ITM2C: variants seen among roughly 807,000 people sequenced by gnomAD.
The protein encoded by ITM2C is integral membrane protein 2C.
A neutral mutation model predicts 30.0 loss-of-function variants in ITM2C; 20 were observed. The ratio of observed to expected loss-of-function variants is 0.67; its 90% CI spans 0.47 to 0.97. ITM2C has a LOEUF of 0.97. Among genes scored for constraint, ITM2C ranks in the 50% least tolerant of loss-of-function variants. ITM2C has a pLI of 0.00. For synonymous variants in ITM2C, 167 were observed against 156.4 expected (o/e 1.07, Z -0.51); for missense variants, 366 against 371.9 (o/e 0.98, Z 0.13).
At chr2:230,873,751 A>G (rs6436977) in intron 2 of ITM2C, among the ~76,000 whole-genome samples, 194 bp downstream of exon 2, 337 of 152,138 alleles carry the variant, frequency 2.2e-3, no homozygotes, top group Non-Finnish European at 4.2e-3. Flanking sequence ...CCAGTCCCAC[A>G]TTTAGCCCCT....
At chr2:230,876,303 C>A (rs1008981416) in intron 3 of ITM2C, among the ~76,000 whole-genome samples, 1 of 152,222 alleles carries the variant, frequency 6.6e-6, no homozygotes, top group Admixed American at 6.5e-5. Context: ...TTTATAACAA[C>A]AGAGGCGTTT....
chr2:230,876,563 G>C (rs1208356286), intron 3 of ITM2C, among the ~76,000 whole-genome samples: 3 of 152,060 alleles, frequency 2.0e-5, no homozygotes, highest in African/African-American at 7.3e-5. Flanking sequence ...CTCACTGCAA[G>C]CTCCGCCTCC....
chr2:230,876,065 C>T (rs1247361276), intron 3 of ITM2C, among the ~76,000 whole-genome samples: 1 of 123,758 alleles, frequency 8.1e-6, no homozygotes, highest in Admixed American at 7.7e-5. Flanking sequence ...TGCGTTGTAT[C>T]GAGGGGTAGT....
intron 2 of ITM2C, among the ~76,000 whole-genome samples, chr2:230,874,661 C>G (rs1174397693): frequency 1.3e-5 from 2 of 152,344 alleles, no homozygotes; most frequent in Non-Finnish European, 2.9e-5. Flanking sequence ...CCGCACAGCC[C>G]ACAGGAGCCC....
At chr2:230,871,908 C>A (rs1475291242) in intron 1 of ITM2C, among the ~76,000 whole-genome samples, 1 of 152,248 alleles carries the variant, frequency 6.6e-6, no homozygotes, top group Admixed American at 6.5e-5. Flanking sequence ...GGAGGTGAAA[C>A]CTGAGGAGCG....
At chr2:230,873,982 G>A (rs1389613698) in intron 2 of ITM2C, among the ~76,000 whole-genome samples, 1 of 152,188 alleles carries the variant, frequency 6.6e-6, no homozygotes. Context: ...AGAGGGGTGG[G>A]TACAGAGAGT....
chr2:230,877,404 G>C lies in ITM2C; in HGVS notation c.566G>C (p.Gly189Ala), dbSNP rs199646005. 56 of 1,613,560 alleles carry C rather than the reference G, an allele frequency of 3.5e-5. No individual in the cohort carries two copies. Among genetic ancestry groups the C allele is most frequent in the Non-Finnish European group, 4.5e-5 (53 of 1,179,912 alleles). The change falls in exon 5 of 6, where the codon GGG (glycine) becomes GCG (alanine). Residue 189 changes from glycine to alanine, a missense_variant. By Grantham distance (60) the Gly-to-Ala change is moderately conservative. Coordinates refer to ENST00000326427, the MANE Select transcript of ITM2C (RefSeq NM_030926.6). The surrounding 1 kb of genome is among the most constrained non-coding windows in gnomAD (Gnocchi z 4.8). ...GGCGGCCACCTTGTTTTGCAGAGGGGGACCTACCTGCCGCAGACGTACATC... is the reference window on the plus strand; with the variant it reads ...GGCGGCCACCTTGTTTTGCAGAGGGCGACCTACCTGCCGCAGACGTACATC... ...FWELLMNVKRGTYLPQTYIIQ... is the reference protein window; with the variant it reads ...FWELLMNVKRATYLPQTYIIQ...
chr2:230,876,723 G>C (rs541222662), intron 3 of ITM2C, 134 bp from the exon 4 acceptor site: 3 of 601,148 alleles, frequency 5.0e-6, no homozygotes, highest in African/African-American at 1.8e-5. Context: ...CCTTTGATCC[G>C]CCCGCCTCAG....
At chr2:230,874,218 C>T (rs998107470) in intron 2 of ITM2C, among the ~76,000 whole-genome samples, 3 of 152,196 alleles carry the variant, frequency 2.0e-5, no homozygotes, top group Non-Finnish European at 2.9e-5. Flanking sequence ...ATTTATGACC[C>T]AAGTGACCTC....
chr2:230,865,439 A>C lies in ITM2C; in HGVS notation c.120+294A>C. ...AAAGTGGGGGCCCCCTCGCCGCCTT[A>C]TAGGGGGAGGGGGCTGGTCCGAAGA... On this transcript the variant is annotated intron_variant, in intron 1 of 5. Transcript: ENST00000326427. The surrounding 1 kb of genome is among the most constrained non-coding windows in gnomAD (Gnocchi z 6.8). 3 of 295,590 alleles carry C rather than the reference A, an allele frequency of 1.0e-5. No individual in the cohort carries two copies. Among genetic ancestry groups the C allele is most frequent in the Admixed American group, 5.2e-5 (1 of 19,402 alleles). The allele number at this position is 295,590 out of a possible 1,614,324, so 18.3% of individuals were successfully genotyped here.
intron 1 of ITM2C, among the ~76,000 whole-genome samples, chr2:230,869,691 C>T (rs981482783): frequency 1.3e-5 from 2 of 152,178 alleles, no homozygotes; most frequent in Admixed American, 6.5e-5. Flanking sequence ...GGGATGGGGC[C>T]CGGGAGCGCT....
Position 230,865,384 on chromosome 2 carries a change from C to G in ITM2C, c.120+239C>G. 4.9e-6 allele frequency: 2 copies of G among 405,546 alleles called. No homozygotes were observed. Among genetic ancestry groups the G allele is most frequent in the Non-Finnish European group, 8.4e-6 (2 of 238,050 alleles). 25.1% of individuals were successfully genotyped at this position (405,546 alleles called of 1,614,324 possible). On this transcript the variant is annotated intron_variant, in intron 1 of 5. Transcript: ENST00000326427. The surrounding 1 kb of genome is among the most constrained non-coding windows in gnomAD (Gnocchi z 6.8). ...GTGGGAGGCGTCTGGTTCTGGTCTT[C>G]AGGTGGAGAAGTGCTCGAGGTCTCT...
chr2:230,871,478 C>G (rs1182407421), intron 1 of ITM2C, among the ~76,000 whole-genome samples: 2 of 152,254 alleles, frequency 1.3e-5, no homozygotes, highest in African/African-American at 4.8e-5. Flanking sequence ...TGGCCAGCAG[C>G]TGTTCCTGAG....
Position 230,873,434 on chromosome 2 carries a change from A to G in ITM2C, c.138A>G (p.Gln46=), listed in dbSNP as rs1226778612. Residue 46 remains glutamine (Q), a synonymous_variant, in exon 2 of 6, where the codon CAA becomes CAG. Coordinates refer to ENST00000326427, the MANE Select transcript of ITM2C (RefSeq NM_030926.6). The part of the protein sequence containing the change: ...LTPAREEQPP[Q]HRSKRGGSVG... ...ATCCACAGGAGGAGCAGCCCCCACAACATCGATCCAAGAGGGGGGGCTCAG... is the reference window on the plus strand; with the variant it reads ...ATCCACAGGAGGAGCAGCCCCCACAGCATCGATCCAAGAGGGGGGGCTCAG... The G allele has an allele frequency of 6.3e-7, 1 of 1,597,122 alleles. No individual in the cohort carries two copies. Among genetic ancestry groups the G allele is most frequent in the Non-Finnish European group, 8.5e-7 (1 of 1,171,994 alleles).
Position 230,873,475 on chromosome 2 carries a change from A to G in ITM2C, c.179A>G (p.Tyr60Cys). 6.2e-7 allele frequency: 1 copy of G among 1,609,912 alleles called. No homozygotes were observed. The highest frequency in any genetic ancestry group is 1.1e-5 in the South Asian group (1 of 90,164). ...KRGGSVGGVC[Y>C]LSMGMVVLLM... ...GGGGGCTCAGTGGGCGGCGTGTGCT[A>G]CCTGTCGATGGGCATGGTCGTGCTG... The change falls in exon 2 of 6, where the codon TAC becomes TGC. Residue 60 changes from tyrosine (Y) to cysteine (C), a missense_variant. Coordinates refer to ENST00000326427, the MANE Select transcript of ITM2C (RefSeq NM_030926.6).
At chr2:230,873,283 G>C in intron 1 of ITM2C, 134 bp from the exon 2 acceptor site, 1 of 835,752 alleles carries the variant, frequency 1.2e-6, no homozygotes, top group Non-Finnish European at 1.7e-6. Flanking sequence ...TTCCCTTCTA[G>C]GTGTCATCTC....
chr2:230,875,570 G>A (rs374118795), intron 2 of ITM2C, 50 bp from the exon 3 acceptor site: 65 of 1,526,322 alleles, frequency 4.3e-5, no homozygotes, highest in Non-Finnish European at 4.9e-5. Flanking sequence ...TACGGAGTGC[G>A]TGTATGACCA....
chr2:230,874,043 A>G (rs1170602421), intron 2 of ITM2C, among the ~76,000 whole-genome samples: 1 of 152,154 alleles, frequency 6.6e-6, no homozygotes, highest in African/African-American at 2.4e-5. Flanking sequence ...GCCAACTATC[A>G]TCCCCCTCCC....
At chr2:230,864,841 C>A, upstream of ITM2C, 1 of 640,344 alleles carries the variant, frequency 1.6e-6, no homozygotes, top group Non-Finnish European at 2.1e-6. This position sits in a 1 kb window ranked among gnomAD's most constrained non-coding sequence, Gnocchi z 4.3. Flanking sequence ...GGGAAGGGGG[C>A]GCAGGCGCGG....
Sources: gnomAD v4.1 joint callset for allele counts (sites outside exome capture counted in the v4.1 genomes callset) on GRCh38, gnomAD v4.1.1 for gene constraint, Gnocchi (gnomAD v3.1) non-coding constraint, MANE v1.5 for transcripts, NCBI Gene and HGNC (gene_info 2026-07-23, HGNC 2026-07-21) for gene names.